The following TEKT5 variants were observed in gnomAD, a reference collection of about 807,000 sequenced individuals.
The protein encoded by TEKT5 is tektin 5.
A neutral mutation model predicts 48.7 loss-of-function variants in TEKT5; 52 were observed. The observed-to-expected ratio is 1.07, with a 90% CI of 0.86 to 1.35. TEKT5 has a LOEUF of 1.35. TEKT5 is among the 40% of genes most tolerant of loss of function. The pLI is 0.00. For synonymous variants in TEKT5, 318 were observed against 267.6 expected (o/e 1.19, Z -1.84); for missense variants, 831 against 641.6 (o/e 1.30, Z -3.19).
intron 6 of TEKT5, among the ~76,000 whole-genome samples, chr16:10,633,546 C>G (rs139309394): frequency 1.8e-3 from 270 of 152,164 alleles, no homozygotes; most frequent in African/African-American, 6.3e-3. Context: ...GAAGACCTAG[C>G]AAGCCAGCAG....
rs371174115 is a variant in TEKT5, at chr16:10,675,963, G to A, written c.1082C>T (p.Ala361Val). The change falls in exon 5 of 7, where the codon GCG (alanine) becomes GTG (valine). Residue 361 changes from alanine to valine, a missense_variant. Physicochemically the swap from Ala to Val is moderately conservative, Grantham distance 64 (BLOSUM62 0). Coordinates refer to ENST00000283025, the MANE Select transcript of TEKT5 (RefSeq NM_144674.2). Reference protein sequence around the residue: ...DVKNKLQTQLAKTLQEIFQAE... With the variant: ...DVKNKLQTQLVKTLQEIFQAE... Reference sequence around the variant, plus strand: ...GTCCTGGGAGGATCTGCTCACCTTCGCCAGCTGCGTCTGCAGCTTATTCTT... The same window carrying A: ...GTCCTGGGAGGATCTGCTCACCTTCACCAGCTGCGTCTGCAGCTTATTCTT... 2.0e-5 allele frequency: 33 copies of A among 1,613,686 alleles called. No homozygotes were observed. The African/African-American group carries it at 2.5e-4, about 12-fold the overall frequency.
chr16:10,687,464 G>C (rs1465057745), intron 3 of TEKT5, among the ~76,000 whole-genome samples: 1 of 152,188 alleles, frequency 6.6e-6, no homozygotes, highest in Non-Finnish European at 1.5e-5. Flanking sequence ...AGAGTATTTA[G>C]GCCAGGCGCA....
intron 5 of TEKT5, among the ~76,000 whole-genome samples, chr16:10,653,102 G>A (rs1898197487): frequency 1.3e-5 from 2 of 152,216 alleles, no homozygotes; most frequent in Admixed American, 1.3e-4. Context: ...GAAGTTGGAG[G>A]AATCTGGGGA....
chr16:10,667,852 T>C (rs1193632382), intron 5 of TEKT5, among the ~76,000 whole-genome samples: 2 of 150,516 alleles, frequency 1.3e-5, no homozygotes, highest in African/African-American at 4.9e-5. Context: ...ACCATAACAA[T>C]AGGCAAAATG....
At chr16:10,671,813 TC>T (rs1898553145) in intron 5 of TEKT5, 1 of 152,188 alleles carries the variant, frequency 6.6e-6, no homozygotes, top group African/African-American at 2.4e-5. Flanking sequence ...GCAGGGGAAC[TC>T]CCTTTTATAG....
rs771711650 is a variant in TEKT5 at position 10,627,692 on chromosome 16, A to G, written c.1349T>C (p.Leu450Pro). Residue 450 changes from leucine (L) to proline (P), a missense_variant, in exon 7 of 7, where the codon CTG (leucine) becomes CCG (proline). By Grantham distance (98) the Leu-to-Pro change is moderately conservative. Transcript: ENST00000283025. ...LQLLVMTKCR[L>P]EHELAIKANT... ...GGCCTTGATGGCGAGCTCGTGCTCCAGCCGGCACTTGGTCATGACCAGCAG... is the reference window on the plus strand; with the variant it reads ...GGCCTTGATGGCGAGCTCGTGCTCCGGCCGGCACTTGGTCATGACCAGCAG... The G allele has an allele frequency of 5.8e-5, 94 of 1,614,102 alleles. No homozygotes were observed. Among genetic ancestry groups the G allele is most frequent in the Admixed American group, 1.7e-5 (1 of 60,004 alleles).
intron 5 of TEKT5, among the ~76,000 whole-genome samples, chr16:10,662,675 A>T (rs1401156442): frequency 6.6e-6 from 1 of 152,092 alleles, no homozygotes; most frequent in Non-Finnish European, 1.5e-5. Flanking sequence ...TATCTTGGCA[A>T]ATTCTTTTAC....
intron 6 of TEKT5, among the ~76,000 whole-genome samples, chr16:10,632,793 C>A (rs1482889056): frequency 6.6e-6 from 1 of 151,790 alleles, no homozygotes; most frequent in Non-Finnish European, 1.5e-5. Flanking sequence ...AGAAGGGAGA[C>A]AGCCTGAATC....
At chr16:10,684,808 C>T (rs1009427252) in intron 3 of TEKT5, among the ~76,000 whole-genome samples, 24 of 152,178 alleles carry the variant, frequency 1.6e-4, no homozygotes, top group African/African-American at 5.8e-4. Flanking sequence ...TGCTGTCAGC[C>T]CACCAGGAAA....
chr16:10,660,729 C>G (rs1409056397), intron 5 of TEKT5, among the ~76,000 whole-genome samples: 2 of 151,032 alleles, frequency 1.3e-5, no homozygotes, highest in African/African-American at 2.5e-5. Flanking sequence ...AAGACAGAGT[C>G]TTGCTCTGTT....
In TEKT5 at chr16:10,689,293, G is replaced by C; in HGVS notation, c.679C>G (p.Gln227Glu). Residue 227 changes from glutamine to glutamate, a missense_variant, in exon 3 of 7, where the codon CAG becomes GAG. Coordinates refer to ENST00000283025, the MANE Select transcript of TEKT5 (RefSeq NM_144674.2). ...ATTCTTTGAGCTAATTTTCTCATCT[G>C]TTCTTGGCAACATTTTAGCAAATCC... ...EVDLLKCCQEQMRKLAQRIDI... is the reference protein window; with the variant it reads ...EVDLLKCCQEEMRKLAQRIDI... 6.2e-7 allele frequency: 1 copy of C among 1,612,676 alleles called. No individual in the cohort carries two copies. The highest frequency in any genetic ancestry group is 8.5e-7 in the Non-Finnish European group (1 of 1,179,712).
At chr16:10,679,865 C>G (rs144900378) in intron 4 of TEKT5, among the ~76,000 whole-genome samples, 196 of 144,110 alleles carry the variant, frequency 1.4e-3, no homozygotes, top group African/African-American at 4.5e-3. Context: ...CCATTGCCCT[C>G]CAGCCTGGGC....
At chr16:10,688,910 G>A (rs1265379623) in intron 3 of TEKT5, among the ~76,000 whole-genome samples, 1 of 152,194 alleles carries the variant, frequency 6.6e-6, no homozygotes, top group East Asian at 1.9e-4. Flanking sequence ...GCTAAGAGGG[G>A]CCTCAGGGAG....
At chr16:10,680,791 T>C (rs9939923) in intron 4 of TEKT5, among the ~76,000 whole-genome samples, 28,262 of 137,608 alleles carry the variant, frequency 0.21, 3,651 homozygotes, top group East Asian at 0.54. Flanking sequence ...TTCTCACTCA[T>C]AGGTGGGAAC....
chr16:10,672,569 C>G (rs948669604), intron 5 of TEKT5, among the ~76,000 whole-genome samples: 1 of 152,170 alleles, frequency 6.6e-6, no homozygotes, highest in South Asian at 2.1e-4. Flanking sequence ...GCACTCCAGA[C>G]TGGGTTACAG....
intron 5 of TEKT5, among the ~76,000 whole-genome samples, chr16:10,645,223 T>C (rs1898052533): frequency 6.6e-6 from 1 of 152,206 alleles, no homozygotes; most frequent in African/African-American, 2.4e-5. Context: ...AAACATGATT[T>C]GTAGGTCAGG....
intron 5 of TEKT5, among the ~76,000 whole-genome samples, chr16:10,662,287 G>C (rs1010144129): frequency 6.6e-6 from 1 of 152,206 alleles, no homozygotes; most frequent in African/African-American, 2.4e-5. Context: ...CACCTTGTTT[G>C]AGAACTGCTG....
intron 3 of TEKT5, among the ~76,000 whole-genome samples, chr16:10,688,897 C>G (rs1331918079): frequency 6.6e-6 from 1 of 152,224 alleles, no homozygotes; most frequent in African/African-American, 2.4e-5. Flanking sequence ...GGGGAAGCCA[C>G]AGGCTAAGAG....
At chr16:10,645,659 C>T (rs940825758) in intron 5 of TEKT5, among the ~76,000 whole-genome samples, 17 of 152,008 alleles carry the variant, frequency 1.1e-4, no homozygotes, top group Admixed American at 6.6e-5. Flanking sequence ...AAAAATTGGC[C>T]AGACATGGTG....
Sources: allele counts gnomAD v4.1 joint callset (sites outside exome capture counted in the v4.1 genomes callset), GRCh38; gene constraint gnomAD v4.1.1; transcripts MANE v1.5; gene names NCBI Gene and HGNC (gene_info 2026-07-23, HGNC 2026-07-21).